Variants in PIGK observed in about 807,000 individuals in gnomAD.
PIGK encodes the protein phosphatidylinositol glycan anchor biosynthesis class K.
In PIGK, 42 loss-of-function variants were observed where a neutral mutation model predicts 50.6. The ratio of observed to expected loss-of-function variants is 0.83; its 90% CI spans 0.65 to 1.07. The LOEUF (loss-of-function observed/expected upper bound fraction) is 1.07. Among genes scored for constraint, PIGK ranks in the 50% least tolerant of loss-of-function variants. PIGK has a pLI of 0.00. For missense variants in PIGK, 448 were observed against 488.7 expected, an observed-to-expected ratio of 0.92 and a Z score of 0.78; for synonymous variants, 151 against 156.0, an observed-to-expected ratio of 0.97 and a Z score of 0.24.
intron 3 of PIGK, among the ~76,000 whole-genome samples, chr1:77,177,052 A>C (rs1655503412): frequency 1.3e-5 from 2 of 152,200 alleles, no homozygotes; most frequent in South Asian, 4.1e-4. Context: ...TGGGCCACTT[A>C]AACATTTTAT....
intron 3 of PIGK, chr1:77,195,227 T>C (rs1656005183): frequency 8.1e-7 from 1 of 1,229,122 alleles, no homozygotes; most frequent in Non-Finnish European, 1.2e-6. Flanking sequence ...CTTTTCTTAC[T>C]GGCAGGGCGA....
At chr1:77,130,773 A>G (rs756160214) in intron 9 of PIGK, among the ~76,000 whole-genome samples, 2 of 152,144 alleles carry the variant, frequency 1.3e-5, no homozygotes, top group Non-Finnish European at 2.9e-5. Flanking sequence ...AGAAAGGCAG[A>G]ATGTAGTAAT....
intron 4 of PIGK, among the ~76,000 whole-genome samples, chr1:77,168,881 T>C (rs910820338): frequency 2.6e-5 from 4 of 152,102 alleles, no homozygotes; most frequent in African/African-American, 9.7e-5. Context: ...ATTGAAACTA[T>C]AGTCACTATA....
rs1182496237 is a variant in PIGK, at chr1:77,089,671, T to C, written c.*2703A>G. Reference sequence around the variant, plus strand: ...TCATTTTCAACTAGCTGGGAATATATAAAAATCAAAACCATAAATGCATGG... The same window carrying C: ...TCATTTTCAACTAGCTGGGAATATACAAAAATCAAAACCATAAATGCATGG... On this transcript the variant is annotated 3_prime_UTR_variant, in exon 11 of 11. Transcript: ENST00000370812. 1 of 152,662 alleles carries C rather than the reference T, an allele frequency of 6.6e-6. No homozygotes were observed. Among genetic ancestry groups the C allele is most frequent in the Non-Finnish European group, 1.5e-5 (1 of 68,032 alleles). The allele number at this position is 152,662 out of a possible 1,614,324, so 9.5% of individuals were successfully genotyped here. A position where few individuals can be genotyped will look rare whatever the true frequency, so the allele number is the denominator to read the frequency against.
chr1:77,112,648 G>C (rs1557795339), intron 10 of PIGK, among the ~76,000 whole-genome samples: 1 of 152,002 alleles, frequency 6.6e-6, no homozygotes. Context: ...CATCCCACTA[G>C]AAAAACAGGA....
At chr1:77,196,149 G>A (rs1438793181) in intron 3 of PIGK, among the ~76,000 whole-genome samples, 2 of 152,180 alleles carry the variant, frequency 1.3e-5, no homozygotes, top group African/African-American at 4.8e-5. Context: ...TAGCTGGAAA[G>A]GACATGATCT....
At chr1:77,094,513 T>A (rs564843800) in intron 10 of PIGK, among the ~76,000 whole-genome samples, 22 of 152,272 alleles carry the variant, frequency 1.4e-4, no homozygotes, top group African/African-American at 5.3e-4. Context: ...GTGAACATCA[T>A]TCAAGCTCTA....
chr1:77,153,242 G>A (rs1654931240), intron 9 of PIGK, among the ~76,000 whole-genome samples: 1 of 152,122 alleles, frequency 6.6e-6, no homozygotes, highest in African/African-American at 2.4e-5. Context: ...ATTGTTAAGT[G>A]AAATATGCCA....
At chr1:77,197,436 A>G (rs780253837) in intron 3 of PIGK, among the ~76,000 whole-genome samples, 1 of 152,166 alleles carries the variant, frequency 6.6e-6, no homozygotes, top group Non-Finnish European at 1.5e-5. Context: ...TCAGGTGACA[A>G]AGCAGTTGTT....
chr1:77,171,840 A>G (rs1570240271), intron 3 of PIGK, among the ~76,000 whole-genome samples: 1 of 152,148 alleles, frequency 6.6e-6, no homozygotes, highest in East Asian at 1.9e-4. Flanking sequence ...CCAAGTGTTA[A>G]ATTATTTATA....
rs557174042 is a variant in PIGK, at chr1:77,204,242, C to T, written c.239+2398G>A. ...CCACTCTGGGAATGTCTGTCTTATACGGTTGCAGATAAGGGATGAAATAAG... is the reference window on the plus strand; with the variant it reads ...CCACTCTGGGAATGTCTGTCTTATATGGTTGCAGATAAGGGATGAAATAAG... On this transcript the variant is annotated intron_variant, in intron 3 of 10. Coordinates refer to ENST00000370812, the MANE Select transcript of PIGK (RefSeq NM_005482.3). Among the ~76,000 whole-genome samples, 7 of 152,214 alleles carry T rather than the reference C, an allele frequency of 4.6e-5. No homozygotes were observed. In the South Asian group the frequency reaches 1.0e-3, roughly 23 times the overall value.
At chr1:77,120,154 T>C (rs1654063141) in intron 10 of PIGK, among the ~76,000 whole-genome samples, 1 of 152,182 alleles carries the variant, frequency 6.6e-6, no homozygotes, top group South Asian at 2.1e-4. Flanking sequence ...CAAAAAGCTT[T>C]TGTGAAACTA....
intron 3 of PIGK, chr1:77,195,213 TG>T: frequency 8.3e-7 from 1 of 1,204,346 alleles, no homozygotes; most frequent in Non-Finnish European, 1.2e-6. Flanking sequence ...AGAAAGGTGC[TG>T]GACTTTTCTT....
chr1:77,194,802 GAA>G (rs879193744), intron 3 of PIGK: 493 of 298,668 alleles, frequency 1.7e-3, no homozygotes, highest in South Asian at 3.1e-3. Flanking sequence ...ACGTTGAAAA[GAA>G]AAAAAAAAAA....
Position 77,187,924 on chromosome 1 carries a change from T to G in PIGK, c.240-18529A>C, listed in dbSNP as rs550245732. The stretch of plus-strand genomic sequence containing the variant: ...TTATGCCTGTCTTTACTGCAATCTC[T>G]AAACATAAATTGTAAAGATTTCATG... On this transcript the variant is annotated intron_variant, in intron 3 of 10. Coordinates refer to ENST00000370812, the MANE Select transcript of PIGK (RefSeq NM_005482.3). Among the ~76,000 whole-genome samples the G allele has an allele frequency of 3.2e-4, 48 of 152,354 alleles. 2 individuals are homozygous for G. The South Asian group carries it at 9.5e-3, about 30-fold the overall frequency.
At chr1:77,190,664 A>G (rs985583031) in intron 3 of PIGK, among the ~76,000 whole-genome samples, 2 of 152,228 alleles carry the variant, frequency 1.3e-5, no homozygotes, top group Non-Finnish European at 2.9e-5. Flanking sequence ...TCAGTGCCTC[A>G]ATTGTAAAAC....
chr1:77,151,110 A>C (rs1234410742), intron 9 of PIGK, among the ~76,000 whole-genome samples: 1 of 152,190 alleles, frequency 6.6e-6, no homozygotes, highest in Non-Finnish European at 1.5e-5. Flanking sequence ...AAATACTAGC[A>C]AACTGAATTC....
intron 3 of PIGK, among the ~76,000 whole-genome samples, chr1:77,188,251 A>G (rs545237640): frequency 1.3e-5 from 2 of 152,316 alleles, no homozygotes; most frequent in South Asian, 4.2e-4. Context: ...TGGGAGAAAT[A>G]TCGCTGAATT....
At chr1:77,176,574 C>G (rs1103683) in intron 3 of PIGK, among the ~76,000 whole-genome samples, 32,022 of 152,016 alleles carry the variant, frequency 0.21, 4,673 homozygotes, top group African/African-American at 0.41. Flanking sequence ...GCTTAATGCT[C>G]CTGCAGTTTC....
Sources: gnomAD v4.1 joint callset for allele counts (sites outside exome capture counted in the v4.1 genomes callset) on GRCh38, gnomAD v4.1.1 for gene constraint, MANE v1.5 for transcripts, NCBI Gene and HGNC (gene_info 2026-07-23, HGNC 2026-07-21) for gene names.